The following CNTNAP2 variants were observed in gnomAD, a reference collection of about 807,000 sequenced individuals.
CNTNAP2 encodes contactin-associated protein-like 2.
A neutral mutation model predicts 155.2 loss-of-function variants in CNTNAP2; 98 were observed. That is an observed-to-expected ratio of 0.63 (90% CI 0.54 to 0.75). CNTNAP2 has a LOEUF of 0.75. Ranked by LOEUF, CNTNAP2 falls within the 30% of genes least tolerant of loss-of-function variation. The pLI, the probability that CNTNAP2 is intolerant of heterozygous loss-of-function variation, is 0.00. For missense variants in CNTNAP2, 1,727 were observed against 1,688.1 expected (o/e 1.02, Z -0.40); for synonymous variants, 651 against 631.2 (o/e 1.03, Z -0.47).
intron 3 of CNTNAP2, among the ~76,000 whole-genome samples, chr7:146,976,460 C>T (rs949739192): frequency 2.6e-5 from 4 of 152,166 alleles, no homozygotes; most frequent in Admixed American, 2.0e-4. Flanking sequence ...AGGGATCCCA[C>T]CACCTCCTCC....
At chr7:147,048,298 A>T (rs893309658) in intron 4 of CNTNAP2, among the ~76,000 whole-genome samples, 1 of 152,048 alleles carries the variant, frequency 6.6e-6, no homozygotes, top group African/African-American at 2.4e-5. Context: ...AGAGAATGTG[A>T]ACACCTTGGA....
chr7:146,216,061 A>T (rs1416455047), intron 1 of CNTNAP2, among the ~76,000 whole-genome samples: 1 of 152,146 alleles, frequency 6.6e-6, no homozygotes, highest in Non-Finnish European at 1.5e-5. Flanking sequence ...ACGGGAAGGG[A>T]ATGTAGATGA....
At chr7:147,460,060 G>A (rs1475760483) in intron 10 of CNTNAP2, among the ~76,000 whole-genome samples, 2 of 152,048 alleles carry the variant, frequency 1.3e-5, no homozygotes, top group Non-Finnish European at 2.9e-5. Flanking sequence ...GTTGATGGGT[G>A]TAGCAAACCA....
chr7:146,162,883 C>T (rs577883000), intron 1 of CNTNAP2, among the ~76,000 whole-genome samples: 10 of 152,298 alleles, frequency 6.6e-5, no homozygotes, highest in African/African-American at 9.6e-5. Context: ...TGGAAACCAT[C>T]GTTCTCAGCA....
At chr7:148,231,923 A>T (rs755774232) in intron 20 of CNTNAP2, among the ~76,000 whole-genome samples, 1 of 152,162 alleles carries the variant, frequency 6.6e-6, no homozygotes, top group Non-Finnish European at 1.5e-5. Context: ...TGGATGCACG[A>T]TTCTGAGGTA....
intron 1 of CNTNAP2, among the ~76,000 whole-genome samples, chr7:146,549,641 G>A (rs1465609073): frequency 6.6e-6 from 1 of 151,980 alleles, no homozygotes; most frequent in African/African-American, 2.4e-5. Context: ...TTTCACAGAA[G>A]GAGGCTATAA....
intron 9 of CNTNAP2, among the ~76,000 whole-genome samples, chr7:147,355,291 A>G (rs1293125466): frequency 6.6e-6 from 1 of 152,132 alleles, no homozygotes; most frequent in African/African-American, 2.4e-5. Flanking sequence ...CAGCTAAAGC[A>G]CTGTTGAGAG....
intron 1 of CNTNAP2, among the ~76,000 whole-genome samples, chr7:146,623,927 T>G (rs568498861): frequency 2.1e-4 from 32 of 152,272 alleles, no homozygotes; most frequent in African/African-American, 6.7e-4. Flanking sequence ...AATAATATTC[T>G]TAGTTTTGTG....
At chr7:146,538,853 A>G (rs964268393) in intron 1 of CNTNAP2, among the ~76,000 whole-genome samples, 7 of 152,120 alleles carry the variant, frequency 4.6e-5, no homozygotes, top group Admixed American at 4.6e-4. Flanking sequence ...TATCATAAAA[A>G]TTTATTATAA....
At chr7:146,686,406 TC>T (rs1289705566) in intron 1 of CNTNAP2, among the ~76,000 whole-genome samples, 1 of 152,138 alleles carries the variant, frequency 6.6e-6, no homozygotes, top group African/African-American at 2.4e-5. Flanking sequence ...CATGGCTACT[TC>T]CGAAATTTCA....
chr7:147,574,439 C>T (rs1399382991), intron 12 of CNTNAP2, among the ~76,000 whole-genome samples: 1 of 152,092 alleles, frequency 6.6e-6, no homozygotes, highest in South Asian at 2.1e-4. Flanking sequence ...TCCCATTTTA[C>T]TCCCATTGCC....
At chr7:147,100,902 A>G (rs558770035) in intron 4 of CNTNAP2, among the ~76,000 whole-genome samples, 1 of 152,352 alleles carries the variant, frequency 6.6e-6, no homozygotes, top group South Asian at 2.1e-4. Context: ...GATAACTTCA[A>G]TATAATGTGA....
chr7:146,535,154 A>C (rs59208400), intron 1 of CNTNAP2, among the ~76,000 whole-genome samples: 1 of 2,234 alleles, frequency 4.5e-4, no homozygotes, highest in Non-Finnish European at 7.5e-4. Context: ...TATCATATAT[A>C]ATATATTATA....
intron 1 of CNTNAP2, among the ~76,000 whole-genome samples, chr7:146,220,435 G>T (rs1799187972): frequency 6.6e-6 from 1 of 152,082 alleles, no homozygotes; most frequent in Non-Finnish European, 1.5e-5. Flanking sequence ...GCTCAGATTT[G>T]GGTAGACCAG....
intron 9 of CNTNAP2, among the ~76,000 whole-genome samples, chr7:147,392,234 C>T (rs1179126014): frequency 1.3e-5 from 2 of 152,022 alleles, no homozygotes; most frequent in Non-Finnish European, 2.9e-5. Flanking sequence ...AGGCCTGTCC[C>T]GCTAACTTGC....
intron 15 of CNTNAP2, among the ~76,000 whole-genome samples, chr7:148,030,508 A>G (rs1802457030): frequency 1.4e-5 from 2 of 147,320 alleles, no homozygotes; most frequent in Admixed American, 7.1e-5. Flanking sequence ...GGAATAATGT[A>G]TGCTTGAGGA....
intron 22 of CNTNAP2, among the ~76,000 whole-genome samples, chr7:148,394,586 A>T (rs1799425024): frequency 6.6e-6 from 1 of 152,170 alleles, no homozygotes. Flanking sequence ...GTATAAGTTC[A>T]TTACCTGGTG....
chr7:146,672,033 C>T (rs533710700), intron 1 of CNTNAP2, among the ~76,000 whole-genome samples: 1 of 152,136 alleles, frequency 6.6e-6, no homozygotes, highest in Non-Finnish European at 1.5e-5. Context: ...CCAGGCTGGT[C>T]TTGAACTCCT....
intron 13 of CNTNAP2, among the ~76,000 whole-genome samples, chr7:147,648,314 A>G (rs1795400107): frequency 6.6e-6 from 1 of 152,224 alleles, no homozygotes; most frequent in South Asian, 2.1e-4. Flanking sequence ...GCTAAAGACA[A>G]GGGCAGAAGT....
Sources: allele counts gnomAD v4.1 joint callset (sites outside exome capture counted in the v4.1 genomes callset), GRCh38; gene constraint gnomAD v4.1.1; transcripts MANE v1.5; gene names NCBI Gene and HGNC (gene_info 2026-07-23, HGNC 2026-07-21).